Variants in IP6K1 observed in about 807,000 individuals in gnomAD.
The protein encoded by IP6K1 is inositol hexakisphosphate kinase 1, also known as ATP:1D-myo-inositol-hexakisphosphate phosphotransferase.
In IP6K1, 13 loss-of-function variants were observed where a neutral mutation model predicts 38.3. That is an observed-to-expected ratio of 0.34 (90% confidence interval 0.22 to 0.54). The LOEUF is 0.54. IP6K1 is among the 20% of genes least tolerant of loss of function. The pLI is 0.92. For synonymous variants in IP6K1, 212 were observed against 229.9 expected (o/e 0.92, Z 0.70); for missense variants, 397 against 599.8 (o/e 0.66, Z 3.53).
Position 49,732,875 on chromosome 3 carries a change from T to A in IP6K1, c.532A>T (p.Ile178Phe). ...CGCAGGCTCCAGGGGTTGTGGCTGA[T>A]CTTCTCAGAACTCAAGCCACTGTTG... ...DGNSGLSSEKISHNPWSLRCH... is the reference protein window; with the variant it reads ...DGNSGLSSEKFSHNPWSLRCH... Residue 178 changes from isoleucine to phenylalanine, a missense_variant, in exon 4 of 6, where the codon ATC (isoleucine) becomes TTC (phenylalanine). By Grantham distance (21) the Ile-to-Phe change is conservative. Around this residue, in one of 3 missense-constraint regions of IP6K1, gnomAD observed 171 missense variants for 237.0 expected, o/e 0.72. Transcript: ENST00000321599. The A allele has an allele frequency of 1.2e-6, 2 of 1,614,056 alleles. No individual in the cohort carries two copies. The highest frequency in any genetic ancestry group is 1.7e-6 in the Non-Finnish European group (2 of 1,179,980).
At chr3:49,783,936 G>C (rs139236070) in intron 1 of IP6K1, among the ~76,000 whole-genome samples, 18 of 152,026 alleles carry the variant, frequency 1.2e-4, no homozygotes, top group African/African-American at 4.1e-4. Flanking sequence ...AGCGTCCTCT[G>C]GGTTCAGCAC....
At chr3:49,772,214 TAA>T (rs34560942) in intron 1 of IP6K1, among the ~76,000 whole-genome samples, 123 of 139,300 alleles carry the variant, frequency 8.8e-4, no homozygotes, top group African/African-American at 1.3e-3. Context: ...CCCTTTCCCT[TAA>T]AAAAAAAAAT....
At chr3:49,780,311 C>A (rs1163388885) in intron 1 of IP6K1, among the ~76,000 whole-genome samples, 1 of 148,898 alleles carries the variant, frequency 6.7e-6, no homozygotes, top group East Asian at 2.0e-4. Flanking sequence ...ATCTTTCATA[C>A]ACACACACAC....
chr3:49,760,112 T>C (rs866709763), intron 1 of IP6K1, among the ~76,000 whole-genome samples: 18 of 152,084 alleles, frequency 1.2e-4, no homozygotes, highest in African/African-American at 3.6e-4. Context: ...CCCACGCTGG[T>C]CTCCATCTCC....
intron 4 of IP6K1, among the ~76,000 whole-genome samples, chr3:49,730,546 A>G (rs1164690385): frequency 6.6e-6 from 1 of 152,040 alleles, no homozygotes. Context: ...CTGGATTTAC[A>G]TTTCTTTTCT....
chr3:49,741,645 A>G (rs1446827856), intron 2 of IP6K1, among the ~76,000 whole-genome samples: 1 of 152,224 alleles, frequency 6.6e-6, no homozygotes, highest in Non-Finnish European at 1.5e-5. Flanking sequence ...ACAGTCCCAA[A>G]CACTTTATAA....
chr3:49,778,717 C>A (rs989981098), intron 1 of IP6K1, among the ~76,000 whole-genome samples: 7 of 152,174 alleles, frequency 4.6e-5, no homozygotes, highest in South Asian at 2.1e-4. Context: ...CCTCAAAATC[C>A]CAGACACAAG....
rs144308874 is a variant in IP6K1 at position 49,766,958 on chromosome 3, C to CA, written c.-128-18791dup. Among the ~76,000 whole-genome samples, 115 of 55,412 alleles carry CA rather than the reference C, an allele frequency of 2.1e-3. 3 individuals are homozygous for CA. Among genetic ancestry groups the CA allele is most frequent in the East Asian group, 2.9e-3 (4 of 1,378 alleles). 36.4% of individuals were successfully genotyped at this position (55,412 alleles called of 152,430 possible). ...GGGTGACAAGAGCAAGACTCCGTCT[C>CA]AAAAAAAAAAAAAAAAAAAAAAAAA... On this transcript the variant is annotated intron_variant, in intron 1 of 5. Transcript: ENST00000321599.
At chr3:49,735,193 A>G (rs2080598234) in intron 3 of IP6K1, among the ~76,000 whole-genome samples, 1 of 152,192 alleles carries the variant, frequency 6.6e-6, no homozygotes, top group Non-Finnish European at 1.5e-5. Flanking sequence ...TATCTCTACA[A>G]AAAATTTAAA....
In IP6K1 at chr3:49,773,203, G is replaced by A. The variant is rs568809840; in HGVS notation, c.-129+13151C>T. Among the ~76,000 whole-genome samples, 5 of 152,258 alleles carry A rather than the reference G, an allele frequency of 3.3e-5. No individual in the cohort carries two copies. In the South Asian group the frequency reaches 1.0e-3, roughly 32 times the overall value. ...AACAGTCAAGTTAATATGCTTAAGG[G>A]TCCAAGTGGTCCTGCCTGGTACACT... On this transcript the variant is annotated intron_variant, in intron 1 of 5. Coordinates refer to ENST00000321599, the MANE Select transcript of IP6K1 (RefSeq NM_153273.4).
Position 49,744,423 on chromosome 3 carries a change from A to G in IP6K1, c.223+3395T>C, listed in dbSNP as rs1040088867. Among the ~76,000 whole-genome samples the G allele has an allele frequency of 2.4e-4, 36 of 151,594 alleles. No individual in the cohort carries two copies. In the South Asian group the frequency reaches 6.4e-3, roughly 27 times the overall value. On this transcript the variant is annotated intron_variant, in intron 2 of 5. Transcript: ENST00000321599. ...TCTCAAAAAAAAAAAAAAAAAAAAA[A>G]AAAAAGAAATTAGAATTCTATAAGG... is the stretch of plus-strand genomic sequence containing the variant.
chr3:49,763,395 G>A (rs1401263610), intron 1 of IP6K1, among the ~76,000 whole-genome samples: 17 of 149,986 alleles, frequency 1.1e-4, no homozygotes, highest in Admixed American at 8.0e-4. Context: ...ATGAGCCACC[G>A]CGCCCGGCCA....
At chr3:49,774,615 G>A (rs1467609761) in intron 1 of IP6K1, among the ~76,000 whole-genome samples, 1 of 152,062 alleles carries the variant, frequency 6.6e-6, no homozygotes, top group Non-Finnish European at 1.5e-5. Flanking sequence ...TGCATAATAG[G>A]TGACCTGTGG....
intron 1 of IP6K1, among the ~76,000 whole-genome samples, chr3:49,754,374 TCA>T (rs869265604): frequency 9.9e-6 from 1 of 100,718 alleles, no homozygotes; most frequent in African/African-American, 3.3e-5. Flanking sequence ...AGATCTTGTC[TCA>T]GGGGAAAAAA....
chr3:49,727,000 A>G lies in IP6K1; in HGVS notation c.*122T>C. ...GGCTACAGCTAAAAACATTTCTTTT[A>G]GTTTACACCAAAGAGAAATATAACC... On this transcript the variant is annotated 3_prime_UTR_variant, in exon 6 of 6. Transcript: ENST00000321599. The G allele has an allele frequency of 9.9e-7, 1 of 1,014,234 alleles. No individual in the cohort carries two copies. Among genetic ancestry groups the G allele is most frequent in the South Asian group, 1.6e-5 (1 of 62,268 alleles). The allele number at this position is 1,014,234 out of a possible 1,614,324, so 62.8% of individuals were successfully genotyped here. A position where few individuals can be genotyped will look rare whatever the true frequency, so the allele number is the denominator to read the frequency against.
chr3:49,756,835 A>AG, intron 1 of IP6K1, among the ~76,000 whole-genome samples: 12 of 89,440 alleles, frequency 1.3e-4, no homozygotes, highest in African/African-American at 4.2e-4. Context: ...AAAAAAAAAA[A>AG]AAAAAAGAAA....
At chr3:49,750,189 A>C (rs533645088) in intron 1 of IP6K1, among the ~76,000 whole-genome samples, 1 of 152,296 alleles carries the variant, frequency 6.6e-6, no homozygotes, top group South Asian at 2.1e-4. Context: ...TGGTCATTGC[A>C]GCTGTGGATC....
At chr3:49,776,532 C>G (rs1053385833) in intron 1 of IP6K1, among the ~76,000 whole-genome samples, 95 of 149,188 alleles carry the variant, frequency 6.4e-4, no homozygotes, top group African/African-American at 2.1e-3. Context: ...AAAAAAAAAG[C>G]AAATAAATGC....
intron 1 of IP6K1, among the ~76,000 whole-genome samples, chr3:49,777,096 T>C (rs1006469206): frequency 1.3e-5 from 2 of 151,782 alleles, no homozygotes; most frequent in Admixed American, 6.6e-5. Context: ...ATCAGTCCAT[T>C]GTGGTGGCAC....
Sources: gnomAD v4.1 joint callset for allele counts (sites outside exome capture counted in the v4.1 genomes callset) on GRCh38, gnomAD v4.1.1 for gene constraint, gnomAD v4.1.1 regional missense constraint, MANE v1.5 for transcripts, NCBI Gene and HGNC (gene_info 2026-07-23, HGNC 2026-07-21) for gene names.